Variants in STAG1 observed in about 807,000 individuals in gnomAD.
STAG1 encodes STAG1 cohesin complex component.
A neutral mutation model predicts 170.9 loss-of-function variants in STAG1; 26 were observed. The observed-to-expected ratio is 0.15, with a 90% CI of 0.11 to 0.21. STAG1 has a LOEUF of 0.21. STAG1 is among the 10% of genes least tolerant of loss of function. The pLI is 1.00. For missense variants in STAG1, 964 were observed against 1,509.5 expected, an observed-to-expected ratio of 0.64 and a Z score of 5.99; for synonymous variants, 514 against 497.7, an observed-to-expected ratio of 1.03 and a Z score of -0.44.
intron 4 of STAG1, among the ~76,000 whole-genome samples, chr3:136,597,016 A>T (rs539121549): frequency 1.3e-5 from 2 of 152,342 alleles, no homozygotes; most frequent in East Asian, 3.9e-4. Flanking sequence ...CAGTGGTTAC[A>T]GTGTGCTGGG....
intron 6 of STAG1, among the ~76,000 whole-genome samples, chr3:136,521,705 G>C (rs1455557376): frequency 1.3e-5 from 2 of 152,134 alleles, no homozygotes; most frequent in Non-Finnish European, 2.9e-5. Context: ...TTGGATCATA[G>C]TTGAGGTAAT....
chr3:136,475,964 A>C (rs1048120617), intron 10 of STAG1, among the ~76,000 whole-genome samples: 2 of 152,210 alleles, frequency 1.3e-5, no homozygotes, highest in Non-Finnish European at 2.9e-5. Context: ...AGAATTTAAG[A>C]ACTCTGAATC....
chr3:136,596,386 T>C (rs1938429886), intron 4 of STAG1, among the ~76,000 whole-genome samples: 2 of 152,212 alleles, frequency 1.3e-5, no homozygotes, highest in Admixed American at 6.5e-5. Flanking sequence ...GCGTTTTTAA[T>C]AGTATTTTTA....
At chr3:136,548,281 T>C (rs1013377009) in intron 5 of STAG1, among the ~76,000 whole-genome samples, 15 of 151,950 alleles carry the variant, frequency 9.9e-5, no homozygotes, top group Admixed American at 7.9e-4. Context: ...CCCGGGCTAA[T>C]TTTTGTATTT....
chr3:136,749,043 G>A (rs1452947152), intron 1 of STAG1, among the ~76,000 whole-genome samples: 2 of 152,114 alleles, frequency 1.3e-5, no homozygotes, highest in Non-Finnish European at 2.9e-5. Flanking sequence ...CCTACGGCAG[G>A]CAAAATTCTT....
chr3:136,693,357 C>A (rs897385739), intron 1 of STAG1, among the ~76,000 whole-genome samples: 6 of 152,052 alleles, frequency 3.9e-5, no homozygotes, highest in African/African-American at 9.7e-5. Flanking sequence ...AACTTCACTG[C>A]CAATTTGAAG....
intron 4 of STAG1, among the ~76,000 whole-genome samples, chr3:136,584,540 C>T (rs554830394): frequency 6.6e-6 from 1 of 152,190 alleles, no homozygotes; most frequent in Non-Finnish European, 1.5e-5. Context: ...ATCCCTCCTT[C>T]CATGCCCAGT....
chr3:136,400,121 C>T (rs1344798131), intron 21 of STAG1, among the ~76,000 whole-genome samples: 1 of 152,076 alleles, frequency 6.6e-6, no homozygotes, highest in African/African-American at 2.4e-5. Context: ...CGGGGTTTCA[C>T]CATGATGCGC....
At chr3:136,444,235 G>A (rs569532126) in intron 14 of STAG1, among the ~76,000 whole-genome samples, 32 of 152,222 alleles carry the variant, frequency 2.1e-4, no homozygotes, top group African/African-American at 7.5e-4. Flanking sequence ...CACCATGCCT[G>A]GCTAACTTTC....
intron 21 of STAG1, among the ~76,000 whole-genome samples, chr3:136,416,452 G>A (rs2087775400): frequency 6.6e-6 from 1 of 152,242 alleles, no homozygotes; most frequent in South Asian, 2.1e-4. Context: ...TCACAAGTCA[G>A]TACTAGCACA....
chr3:136,588,489 T>C (rs547384250), intron 4 of STAG1, among the ~76,000 whole-genome samples: 79 of 152,206 alleles, frequency 5.2e-4, no homozygotes, highest in Non-Finnish European at 3.2e-4. Flanking sequence ...TACCGATGCA[T>C]GCCACCATGC....
intron 9 of STAG1, among the ~76,000 whole-genome samples, chr3:136,479,026 A>T (rs569086256): frequency 4.7e-5 from 7 of 149,624 alleles, no homozygotes; most frequent in African/African-American, 1.7e-4. Flanking sequence ...GCATCCATTA[A>T]TCCTTCCATT....
At position 136,356,075 on chromosome 3, in the gene STAG1, A is replaced by T. The variant is rs1364936153; in HGVS notation, c.3065+1645T>A. On this transcript the variant is annotated intron_variant, in intron 28 of 33. Transcript: ENST00000383202. The stretch of plus-strand genomic sequence containing the variant: ...TCTGCCTGTTTTTTTTTTTTTTTTT[A>T]GAGACAGTCTCACTGTCTTGCCCAG... Among the ~76,000 whole-genome samples the T allele has an allele frequency of 2.1e-3, 255 of 123,816 alleles. 1 individual carries two copies. The highest frequency in any genetic ancestry group is 7.0e-3 in the African/African-American group (231 of 32,884). 81.2% of individuals were successfully genotyped at this position (123,816 alleles called of 152,430 possible).
intron 13 of STAG1, among the ~76,000 whole-genome samples, chr3:136,453,107 G>T (rs1189194194): frequency 6.6e-6 from 1 of 151,824 alleles, no homozygotes; most frequent in Non-Finnish European, 1.5e-5. Flanking sequence ...ATAACCAAAT[G>T]TTTCATCAAT....
At chr3:136,393,860 T>C (rs1481654632) in intron 22 of STAG1, among the ~76,000 whole-genome samples, 1 of 152,186 alleles carries the variant, frequency 6.6e-6, no homozygotes, top group Non-Finnish European at 1.5e-5. Context: ...CCTCCCAAAG[T>C]GCTAGGATTA....
intron 22 of STAG1, among the ~76,000 whole-genome samples, chr3:136,384,943 C>T (rs1209596317): frequency 2.0e-5 from 3 of 152,140 alleles, no homozygotes; most frequent in Non-Finnish European, 4.4e-5. Context: ...TGGAATTTTA[C>T]TTCCACAAAT....
intron 5 of STAG1, among the ~76,000 whole-genome samples, chr3:136,546,563 A>G (rs1342837804): frequency 6.6e-6 from 1 of 152,216 alleles, no homozygotes; most frequent in Non-Finnish European, 1.5e-5. Flanking sequence ...GTTACCTTTC[A>G]TCGCATGGTA....
At chr3:136,615,924 G>A (rs1048546057) in intron 3 of STAG1, among the ~76,000 whole-genome samples, 2 of 152,094 alleles carry the variant, frequency 1.3e-5, no homozygotes, top group Non-Finnish European at 2.9e-5. Flanking sequence ...ACAAACTTGG[G>A]AAATGTAAAA....
At chr3:136,634,839 A>G (rs1940488781) in intron 1 of STAG1, among the ~76,000 whole-genome samples, 1 of 152,220 alleles carries the variant, frequency 6.6e-6, no homozygotes, top group Non-Finnish European at 1.5e-5. Context: ...TGAAAAAAAG[A>G]GAGAAGGGGC....
Sources: gnomAD v4.1 joint callset for allele counts (sites outside exome capture counted in the v4.1 genomes callset) on GRCh38, gnomAD v4.1.1 for gene constraint, MANE v1.5 for transcripts, NCBI Gene and HGNC (gene_info 2026-07-23, HGNC 2026-07-21) for gene names.